The following SATB1 variants were observed in gnomAD, a reference collection of about 807,000 sequenced individuals.
The protein encoded by SATB1 is SATB homeobox 1.
Under a neutral mutation model 86.9 loss-of-function variants are expected in SATB1, and 11 were observed. The ratio of observed to expected loss-of-function variants is 0.13; its 90% CI spans 0.08 to 0.21. SATB1 has a LOEUF of 0.21. SATB1 is among the 10% of genes least tolerant of loss of function. The pLI is 1.00. For synonymous variants in SATB1, 357 were observed against 357.2 expected (o/e 1.00, Z 0.01); for missense variants, 551 against 937.6 (o/e 0.59, Z 5.39).
rs10539857 is a variant in SATB1 at position 18,357,541 on chromosome 3, ATTT to A, written c.1576-5349_1576-5347del. Among the ~76,000 whole-genome samples the A allele has an allele frequency of 4.0e-3, 541 of 135,556 alleles. 2 individuals are homozygous for A. The highest frequency in any genetic ancestry group is 0.015 in the Middle Eastern group (4 of 264). The allele number at this position is 135,556 out of a possible 152,430, so 88.9% of individuals were successfully genotyped here. A position where few individuals can be genotyped will look rare whatever the true frequency, so the allele number is the denominator to read the frequency against. ...CCCACAAACATGCTAATAGAGGGCA[ATTT>A]TTTTTTTTTTTTTTTTTTTAAATAA... is the stretch of plus-strand genomic sequence containing the variant. On this transcript the variant is annotated intron_variant, in intron 9 of 10. Transcript: ENST00000338745.
At chr3:18,445,554 T>C (rs760296310) in exon 1 of SATB1, 240 of 983,996 alleles carry the variant, frequency 2.4e-4, no homozygotes, top group Non-Finnish European at 2.9e-4. Flanking sequence ...CTCCTCCTCT[T>C]GTCGCCTGCG....
At chr3:18,416,341 G>C (rs1379601543) in intron 3 of SATB1, among the ~76,000 whole-genome samples, 2 of 151,872 alleles carry the variant, frequency 1.3e-5, no homozygotes, top group Non-Finnish European at 2.9e-5. Context: ...ATGACTGTAG[G>C]GTTGTTTATT....
chr3:18,364,590 C>T (rs1051222270), intron 9 of SATB1, among the ~76,000 whole-genome samples: 1 of 151,640 alleles, frequency 6.6e-6, no homozygotes, highest in Non-Finnish European at 1.5e-5. Context: ...TTTTTTCATC[C>T]AAGTTCATGG....
rs1694034298 is a variant in SATB1 at position 18,345,984 on chromosome 3, C to G, written c.*3186G>C. Reference sequence around the variant, plus strand: ...TCAAGCCAGTATTTTTAGATAAACACAGATATAGATATCGCTACTTTGAAA... The same window carrying G: ...TCAAGCCAGTATTTTTAGATAAACAGAGATATAGATATCGCTACTTTGAAA... On this transcript the variant is annotated 3_prime_UTR_variant, in exon 11 of 11. Coordinates refer to ENST00000338745, the MANE Select transcript of SATB1 (RefSeq NM_002971.6). 6.6e-6 allele frequency: 1 copy of G among 152,040 alleles called. No individual in the cohort carries two copies. The highest frequency in any genetic ancestry group is 2.4e-5 in the African/African-American group (1 of 41,432). The allele number at this position is 152,040 out of a possible 1,614,324, so 9.4% of individuals were successfully genotyped here.
chr3:18,421,042 G>A, intron 1 of SATB1, 51 bp from the exon 2 acceptor site: 2 of 1,224,390 alleles, frequency 1.6e-6, no homozygotes, highest in Non-Finnish European at 2.4e-6. Context: ...GGACCTACGT[G>A]TATATATGTG....
chr3:18,403,906 G>A (rs1298330898), intron 5 of SATB1, among the ~76,000 whole-genome samples: 1 of 151,860 alleles, frequency 6.6e-6, no homozygotes, highest in Non-Finnish European at 1.5e-5. Context: ...CCACCCCTTT[G>A]TGCATGTCCT....
chr3:18,413,812 A>C (rs1295625605), intron 5 of SATB1, among the ~76,000 whole-genome samples: 1 of 152,148 alleles, frequency 6.6e-6, no homozygotes, highest in African/African-American at 2.4e-5. Flanking sequence ...TTTAGAATAT[A>C]TAGAAAGCTA....
chr3:18,384,333 A>G (rs9871727), intron 8 of SATB1, among the ~76,000 whole-genome samples: 93,086 of 152,028 alleles, frequency 0.61, 29,085 homozygotes, highest in East Asian at 0.93. Flanking sequence ...ACTTTAGCTC[A>G]AGAAAAAGCT....
intron 5 of SATB1, among the ~76,000 whole-genome samples, chr3:18,414,463 A>G (rs1384811321): frequency 6.6e-6 from 1 of 152,072 alleles, no homozygotes; most frequent in African/African-American, 2.4e-5. Flanking sequence ...AAAAATCTTT[A>G]TTTTAAAAAT....
chr3:18,419,299 A>T (rs957299699), intron 2 of SATB1, among the ~76,000 whole-genome samples: 1 of 152,182 alleles, frequency 6.6e-6, no homozygotes, highest in South Asian at 2.1e-4. Flanking sequence ...GAGAGTTCCA[A>T]CTACAGCAAC....
intron 9 of SATB1, among the ~76,000 whole-genome samples, chr3:18,363,986 T>C (rs1489480824): frequency 6.8e-6 from 1 of 147,810 alleles, no homozygotes; most frequent in Non-Finnish European, 1.5e-5. Flanking sequence ...TTGTTTTAAA[T>C]GTCACTGCAT....
Position 18,417,089 on chromosome 3 carries a change from G to T in SATB1, c.212-11C>A. The T allele has an allele frequency of 6.2e-7, 1 of 1,609,370 alleles. No homozygotes were observed. On this transcript the variant is annotated splice_polypyrimidine_tract_variant and intron_variant, in intron 2 of 10. Coordinates refer to ENST00000338745, the MANE Select transcript of SATB1 (RefSeq NM_002971.6). ...CTGGCAGCATGGTTCCTATCAAAAA[G>T]ATGAAGAAGAAGAGATGGAAAACCA...
intron 9 of SATB1, among the ~76,000 whole-genome samples, chr3:18,365,778 T>G (rs1388383124): frequency 6.6e-6 from 1 of 152,248 alleles, no homozygotes; most frequent in African/African-American, 2.4e-5. Context: ...AAGGCTTTCG[T>G]CCTTATGGTT....
intron 9 of SATB1, among the ~76,000 whole-genome samples, chr3:18,371,019 G>T (rs375791001): frequency 1.3e-5 from 2 of 152,188 alleles, no homozygotes; most frequent in East Asian, 3.8e-4. Flanking sequence ...CTGGTAATAA[G>T]GATCAGACAC....
intron 9 of SATB1, among the ~76,000 whole-genome samples, chr3:18,364,635 C>A (rs1008752350): frequency 6.6e-6 from 1 of 151,826 alleles, no homozygotes; most frequent in Non-Finnish European, 1.5e-5. Context: ...AGGTTAAGAA[C>A]CCCTAAATGG....
At chr3:18,411,496 A>C (rs1439782660) in intron 5 of SATB1, among the ~76,000 whole-genome samples, 1 of 151,778 alleles carries the variant, frequency 6.6e-6, no homozygotes, top group Non-Finnish European at 1.5e-5. Context: ...AATTTCTAAA[A>C]CTCCAGGGAA....
Position 18,366,960 on chromosome 3 carries a change from A to G in SATB1, c.1575+11210T>C, listed in dbSNP as rs569321729. On this transcript the variant is annotated intron_variant, in intron 9 of 10. Transcript: ENST00000338745. ...TGTCAGCAGTGTCTTCAATCAAAAT[A>G]GCATCCTCTGTAATACTTGTGTACC... Among the ~76,000 whole-genome samples the G allele has an allele frequency of 2.0e-5, 3 of 152,144 alleles. No individual in the cohort carries two copies. The South Asian group carries it at 6.3e-4, about 32-fold the overall frequency.
At chr3:18,393,989 AAACAACAAC>A (rs371402760) in intron 7 of SATB1, among the ~76,000 whole-genome samples, 2 of 88,152 alleles carry the variant, frequency 2.3e-5, no homozygotes, top group African/African-American at 4.4e-5. Context: ...TAACAACAAC[AAACAACAAC>A]AACAACAACA....
At chr3:18,382,179 T>C (rs1696099195) in intron 8 of SATB1, among the ~76,000 whole-genome samples, 1 of 152,198 alleles carries the variant, frequency 6.6e-6, no homozygotes, top group Non-Finnish European at 1.5e-5. Context: ...ATACTGTTTA[T>C]ATTAACTTCA....
Sources: gnomAD v4.1 joint callset for allele counts (sites outside exome capture counted in the v4.1 genomes callset) on GRCh38, gnomAD v4.1.1 for gene constraint, MANE v1.5 for transcripts, NCBI Gene and HGNC (gene_info 2026-07-23, HGNC 2026-07-21) for gene names.